Variants in PTPRJ observed in about 807,000 individuals in gnomAD.
The protein encoded by PTPRJ is receptor-type tyrosine-protein phosphatase eta.
A neutral mutation model predicts 141.3 loss-of-function variants in PTPRJ; 129 were observed. The observed-to-expected ratio is 0.91, with a 90% CI of 0.79 to 1.06. The LOEUF (loss-of-function observed/expected upper bound fraction) is 1.06, where lower values mean the gene tolerates loss of function less well. PTPRJ is among the 50% of genes least tolerant of loss of function. The pLI, the probability that PTPRJ is intolerant of heterozygous loss-of-function variation, is 0.00. For synonymous variants in PTPRJ, 610 were observed against 640.5 expected (o/e 0.95, Z 0.72); for missense variants, 1,601 against 1,679.7 (o/e 0.95, Z 0.82).
intron 6 of PTPRJ, among the ~76,000 whole-genome samples, chr11:48,125,842 T>A (rs535352803): frequency 6.6e-6 from 1 of 152,346 alleles, no homozygotes; most frequent in South Asian, 2.1e-4. Flanking sequence ...CTGGTATCCA[T>A]GTTGAAGGAG....
At chr11:48,146,719 T>TTG (rs1341457596) in intron 14 of PTPRJ, among the ~76,000 whole-genome samples, 157 bp from the exon 15 acceptor site, 1 of 151,654 alleles carries the variant, frequency 6.6e-6, no homozygotes, top group African/African-American at 2.4e-5. Flanking sequence ...TTTAACTCCC[T>TTG]TGTGTGTGTG....
chr11:48,121,947 C>T (rs576876196), intron 4 of PTPRJ, among the ~76,000 whole-genome samples: 33 of 152,110 alleles, frequency 2.2e-4, no homozygotes, highest in African/African-American at 7.0e-4. Context: ...GGGCTGGAGT[C>T]GGCCATGGGC....
At chr11:47,989,546 G>A (rs1159889535) in intron 1 of PTPRJ, among the ~76,000 whole-genome samples, 3 of 151,706 alleles carry the variant, frequency 2.0e-5, no homozygotes, top group African/African-American at 7.3e-5. Context: ...CCAAAGTGCT[G>A]AGATTACAGG....
chr11:48,050,332 C>G (rs921940395), intron 1 of PTPRJ, among the ~76,000 whole-genome samples: 3 of 152,034 alleles, frequency 2.0e-5, no homozygotes, highest in African/African-American at 7.2e-5. Context: ...CCCTGGCCCC[C>G]ACATATGCAC....
intron 1 of PTPRJ, among the ~76,000 whole-genome samples, chr11:48,088,521 G>A (rs1028111327): frequency 3.9e-5 from 6 of 152,124 alleles, no homozygotes; most frequent in African/African-American, 1.4e-4. Context: ...AGCTCCAAAC[G>A]CTCCTGGCTT....
Position 48,167,599 on chromosome 11 carries a change from C to A in PTPRJ, c.*237C>A. 2.7e-6 allele frequency: 1 copy of A among 366,378 alleles called. No individual in the cohort carries two copies. The highest frequency in any genetic ancestry group is 4.8e-6 in the Non-Finnish European group (1 of 209,610). The allele number at this position is 366,378 out of a possible 1,614,324, so 22.7% of individuals were successfully genotyped here. A position where few individuals can be genotyped will look rare whatever the true frequency, so the allele number is the denominator to read the frequency against. ...TTCCTGATGACCAATGGGATGAGGT[C>A]ACTTTTTTTTTTTTTCCCCCTTGAG... On this transcript the variant is annotated 3_prime_UTR_variant, in exon 25 of 25. Transcript: ENST00000418331.
chr11:48,144,664 A>C lies in PTPRJ; in HGVS notation c.2576-11A>C. ...CTTTCTTATGATTCTCCTTCTGTGT[A>C]CCTTTCTTAGCTGGTCACCCTTCTG... On this transcript the variant is annotated splice_polypyrimidine_tract_variant and intron_variant, in intron 12 of 24. Transcript: ENST00000418331. 6.2e-7 allele frequency: 1 copy of C among 1,605,130 alleles called. No individual in the cohort carries two copies. The highest frequency in any genetic ancestry group is 8.5e-7 in the Non-Finnish European group (1 of 1,172,000).
chr11:48,089,541 A>AC (rs1050069979), intron 1 of PTPRJ, among the ~76,000 whole-genome samples: 71 of 149,056 alleles, frequency 4.8e-4, no homozygotes, highest in Admixed American at 2.3e-3. Flanking sequence ...AACAAAAAAA[A>AC]CCCACACACA....
At chr11:48,113,026 T>A in intron 3 of PTPRJ, 43 bp downstream of exon 3, 2 of 1,463,028 alleles carry the variant, frequency 1.4e-6, no homozygotes, top group Non-Finnish European at 1.9e-6. Context: ...TTAAAGGAAA[T>A]CGGTAGAATT....
At chr11:48,139,370 T>G in intron 10 of PTPRJ, 116 bp from the exon 11 acceptor site, 1 of 1,145,794 alleles carries the variant, frequency 8.7e-7, no homozygotes, top group South Asian at 1.5e-5. Flanking sequence ...AGCCCCTGCC[T>G]CTTCCACCAC....
intron 1 of PTPRJ, among the ~76,000 whole-genome samples, chr11:48,038,074 C>T (rs996394968): frequency 6.6e-6 from 1 of 152,012 alleles, no homozygotes; most frequent in African/African-American, 2.4e-5. Flanking sequence ...GTCTGCTGCT[C>T]TCTGTGTCTG....
intron 16 of PTPRJ, 74 bp downstream of exon 16, chr11:48,149,562 A>T: frequency 9.6e-7 from 1 of 1,044,036 alleles, no homozygotes; most frequent in Admixed American, 2.7e-5. Context: ...ATAATTTTTG[A>T]TGGAACTTGC....
intron 1 of PTPRJ, among the ~76,000 whole-genome samples, chr11:47,992,944 C>T (rs574480361): frequency 6.6e-6 from 1 of 152,196 alleles, no homozygotes; most frequent in Non-Finnish European, 1.5e-5. Context: ...AGTCACTGTT[C>T]CAGGGAATGG....
chr11:48,079,339 C>T (rs998410658), intron 1 of PTPRJ, among the ~76,000 whole-genome samples: 4 of 151,498 alleles, frequency 2.6e-5, no homozygotes, highest in Non-Finnish European at 5.9e-5. Flanking sequence ...GTCTTGGTGG[C>T]GGTGTTCTAG....
intron 15 of PTPRJ, among the ~76,000 whole-genome samples, chr11:48,147,213 G>A (rs142960080): frequency 1.2e-3 from 180 of 152,272 alleles, no homozygotes; most frequent in African/African-American, 4.0e-3. Context: ...CAAATGATAT[G>A]TTCTTGTTTA....
chr11:48,050,113 C>T (rs187459103), intron 1 of PTPRJ, among the ~76,000 whole-genome samples: 83 of 152,232 alleles, frequency 5.5e-4, no homozygotes, highest in African/African-American at 1.7e-3. Flanking sequence ...TTTCAGGTTT[C>T]GTAGCCTCTT....
intron 1 of PTPRJ, among the ~76,000 whole-genome samples, chr11:48,042,137 T>C (rs1854286143): frequency 6.6e-6 from 1 of 152,196 alleles, no homozygotes; most frequent in Non-Finnish European, 1.5e-5. Flanking sequence ...CCTGTTAGAC[T>C]GAGTTCACCT....
intron 1 of PTPRJ, among the ~76,000 whole-genome samples, chr11:48,043,667 C>T (rs1235538010): frequency 6.6e-6 from 1 of 152,142 alleles, no homozygotes; most frequent in African/African-American, 2.4e-5. Flanking sequence ...GTCTCCCCCA[C>T]CCCCAAAGAG....
In PTPRJ at chr11:48,130,049, A is replaced by G. The variant is rs897236184; in HGVS notation, c.1358-410A>G. 8.6e-5 allele frequency among the ~76,000 whole-genome samples: 13 copies of G among 151,294 alleles called. No homozygotes were observed. The East Asian group carries it at 2.3e-3, about 27-fold the overall frequency. ...TCTGGGTGGGTATGATGAAGGGAAA[A>G]TGGGGGAATGGATTTTGGGGGTCAA... On this transcript the variant is annotated intron_variant, in intron 7 of 24. Transcript: ENST00000418331.
Sources: allele counts gnomAD v4.1 joint callset (sites outside exome capture counted in the v4.1 genomes callset), GRCh38; gene constraint gnomAD v4.1.1; transcripts MANE v1.5; gene names NCBI Gene and HGNC (gene_info 2026-07-23, HGNC 2026-07-21).